The following ZGRF1 variants were observed in gnomAD, a reference collection of about 807,000 sequenced individuals.
ZGRF1 encodes 5'-3' DNA helicase ZGRF1.
Under a neutral mutation model 203.5 loss-of-function variants are expected in ZGRF1, and 196 were observed. The observed-to-expected ratio is 0.96, with a 90% confidence interval of 0.86 to 1.08. The LOEUF (loss-of-function observed/expected upper bound fraction) is 1.08. ZGRF1 is among the 50% of genes least tolerant of loss of function. The pLI is 0.00. For synonymous variants in ZGRF1, 809 were observed against 841.3 expected (o/e 0.96, Z 0.66); for missense variants, 2,326 against 2,416.3 (o/e 0.96, Z 0.78).
At chr4:112,599,686 C>T (rs957947475) in intron 10 of ZGRF1, among the ~76,000 whole-genome samples, 1 of 151,940 alleles carries the variant, frequency 6.6e-6, no homozygotes, top group Non-Finnish European at 1.5e-5. Flanking sequence ...AATGCCACTG[C>T]ACTTCAGCCT....
rs150052463 is a variant in ZGRF1 at position 112,600,068 on chromosome 4, T to G, written c.2976+3456A>C. ...GTTTTTTTTTCTTTGATACAGGATC[T>G]CACTCTGTCACCCAGTGTGGTGGCA... On this transcript the variant is annotated intron_variant, in intron 10 of 27. Coordinates refer to ENST00000505019, the MANE Select transcript of ZGRF1 (RefSeq NM_018392.5). Among the ~76,000 whole-genome samples, 33 of 152,238 alleles carry G rather than the reference T, an allele frequency of 2.2e-4. No homozygotes were observed. In the East Asian group the frequency reaches 4.1e-3, roughly 19 times the overall value.
At chr4:112,575,394 G>A (rs576783307) in intron 16 of ZGRF1, among the ~76,000 whole-genome samples, 7 of 152,236 alleles carry the variant, frequency 4.6e-5, no homozygotes, top group Middle Eastern at 3.4e-3. Context: ...CTGAGATACC[G>A]GGTTCATCTC....
chr4:112,589,735 A>G lies in ZGRF1; in HGVS notation c.3116T>C (p.Leu1039Pro), dbSNP rs1265043402. ...GTGGTAACGACTACCCTCCAAGTTGAGAAAATGAAGATCATCAGGTAAAGT... is the reference window on the plus strand; with the variant it reads ...GTGGTAACGACTACCCTCCAAGTTGGGAAAATGAAGATCATCAGGTAAAGT... Reference protein sequence around the residue: ...ARTLPDDLHFLNLEGMKKSRS... With the variant: ...ARTLPDDLHFPNLEGMKKSRS... Residue 1039 changes from leucine (L) to proline (P), a missense_variant, in exon 11 of 28, where the codon CTC (leucine) becomes CCC (proline). Coordinates refer to ENST00000505019, the MANE Select transcript of ZGRF1 (RefSeq NM_018392.5). 2 of 1,613,962 alleles carry G rather than the reference A, an allele frequency of 1.2e-6. No individual in the cohort carries two copies. Among genetic ancestry groups the G allele is most frequent in the Non-Finnish European group, 1.7e-6 (2 of 1,179,904 alleles).
At chr4:112,627,949 T>C (rs760160385) in intron 3 of ZGRF1, among the ~76,000 whole-genome samples, 1 of 152,230 alleles carries the variant, frequency 6.6e-6, no homozygotes, top group Non-Finnish European at 1.5e-5. Flanking sequence ...TATCATTTCA[T>C]ACATTCATGT....
At chr4:112,636,363 GC>G (rs765413464) in intron 1 of ZGRF1, among the ~76,000 whole-genome samples, 69 of 152,010 alleles carry the variant, frequency 4.5e-4, no homozygotes, top group Non-Finnish European at 8.8e-4. Flanking sequence ...TAAAGTATGA[GC>G]CATTATTCAT....
At chr4:112,631,252 T>G (rs984938156) in intron 3 of ZGRF1, among the ~76,000 whole-genome samples, 1 of 152,174 alleles carries the variant, frequency 6.6e-6, no homozygotes, top group Admixed American at 6.5e-5. Flanking sequence ...TCTTCCTGCC[T>G]CAGCCTCCCA....
chr4:112,571,187 C>A (rs1744149219), intron 16 of ZGRF1, among the ~76,000 whole-genome samples: 1 of 150,328 alleles, frequency 6.7e-6, no homozygotes, highest in Admixed American at 6.6e-5. Flanking sequence ...TCAAAATTAG[C>A]TAAGTATCAA....
chr4:112,620,234 T>C (rs749164351), intron 4 of ZGRF1, 44 bp from the exon 5 acceptor site: 2 of 1,505,272 alleles, frequency 1.3e-6, no homozygotes, highest in East Asian at 4.6e-5. Context: ...AATTATTTGA[T>C]TATCTATGTA....
At chr4:112,628,035 T>A (rs964337941) in intron 3 of ZGRF1, among the ~76,000 whole-genome samples, 8 of 152,164 alleles carry the variant, frequency 5.3e-5, no homozygotes, top group South Asian at 4.2e-4. Flanking sequence ...GAACAAAAAA[T>A]ATATATATAT....
chr4:112,588,820 T>C (rs2149031921), intron 11 of ZGRF1, among the ~76,000 whole-genome samples: 1 of 152,148 alleles, frequency 6.6e-6, no homozygotes, highest in East Asian at 1.9e-4. Flanking sequence ...GAATATTCTT[T>C]TATAAAGTGC....
chr4:112,566,660 A>T (rs1420222351), intron 16 of ZGRF1, among the ~76,000 whole-genome samples: 1 of 152,058 alleles, frequency 6.6e-6, no homozygotes, highest in East Asian at 1.9e-4. Flanking sequence ...AATTAGTATG[A>T]TTGTTGGCTT....
rs528854020 is a variant in ZGRF1 at position 112,620,480 on chromosome 4, A to G, written c.163-290T>C. On this transcript the variant is annotated intron_variant, in intron 4 of 27. Coordinates refer to ENST00000505019, the MANE Select transcript of ZGRF1 (RefSeq NM_018392.5). ...CGTAATCGCAAGACTTTGGGAGACC[A>G]AGGCAAGAGGATTGCTTGAGGCCAA... 1.8e-4 allele frequency among the ~76,000 whole-genome samples: 27 copies of G among 152,356 alleles called. 2 individuals are homozygous for G. In the South Asian group the frequency reaches 3.9e-3, roughly 22 times the overall value.
chr4:112,571,150 A>G (rs2148941320), intron 16 of ZGRF1, among the ~76,000 whole-genome samples: 1 of 152,226 alleles, frequency 6.6e-6, no homozygotes, highest in East Asian at 1.9e-4. Flanking sequence ...TACAGCCCTA[A>G]TAATTATATT....
intron 16 of ZGRF1, among the ~76,000 whole-genome samples, chr4:112,578,887 T>C (rs537645122): frequency 8.2e-6 from 1 of 122,470 alleles, no homozygotes; most frequent in East Asian, 2.4e-4. Flanking sequence ...TTCCAATCAA[T>C]AGAAAAAGAG....
At chr4:112,636,320 G>C (rs2047634009) in intron 1 of ZGRF1, among the ~76,000 whole-genome samples, 1 of 152,028 alleles carries the variant, frequency 6.6e-6, no homozygotes, top group Non-Finnish European at 1.5e-5. Context: ...ATGTACGGAC[G>C]CAATATATAT....
At chr4:112,629,891 C>T (rs745983402) in intron 3 of ZGRF1, 47 of 272,308 alleles carry the variant, frequency 1.7e-4, no homozygotes, top group Non-Finnish European at 2.8e-4. Context: ...TGGTGGTGGG[C>T]GCTTGTAATC....
At position 112,578,766 on chromosome 4, in the gene ZGRF1, G is replaced by GGT. The variant is rs1745688633; in HGVS notation, c.4438+2896_4438+2897insAC. On this transcript the variant is annotated intron_variant, in intron 16 of 27. Coordinates refer to ENST00000505019, the MANE Select transcript of ZGRF1 (RefSeq NM_018392.5). ...TAGACCAATAACAGGCTCTGAAATT[G>GGT]AGGCAATCATTAATAGCCTACCAAC... Among the ~76,000 whole-genome samples, 5 of 123,200 alleles carry GGT rather than the reference G, an allele frequency of 4.1e-5. 1 individual carries two copies. Among genetic ancestry groups the GGT allele is most frequent in the Admixed American group, 2.8e-4 (3 of 10,836 alleles). The allele number at this position is 123,200 out of a possible 152,430, so 80.8% of individuals were successfully genotyped here. A position where few individuals can be genotyped will look rare whatever the true frequency, so the allele number is the denominator to read the frequency against.
chr4:112,621,415 C>T (rs930227074), intron 4 of ZGRF1, among the ~76,000 whole-genome samples: 4 of 151,856 alleles, frequency 2.6e-5, no homozygotes, highest in East Asian at 1.9e-4. Flanking sequence ...TTTGGGAGGC[C>T]GAGGTGGGCG....
At chr4:112,561,911 C>CTCT (rs35499221) in intron 18 of ZGRF1, among the ~76,000 whole-genome samples, 2 of 108,196 alleles carry the variant, frequency 1.8e-5, no homozygotes, top group South Asian at 3.1e-4. Context: ...TTCCTTTTCT[C>CTCT]TTTTTTTTTT....
Sources: allele counts gnomAD v4.1 joint callset (sites outside exome capture counted in the v4.1 genomes callset), GRCh38; gene constraint gnomAD v4.1.1; transcripts MANE v1.5; gene names NCBI Gene and HGNC (gene_info 2026-07-23, HGNC 2026-07-21).